Variants in MED27 observed in about 807,000 individuals in gnomAD.
MED27 encodes the protein mediator complex subunit 27.
Under a neutral mutation model 38.2 loss-of-function variants are expected in MED27, and 30 were observed. The ratio of observed to expected loss-of-function variants is 0.79; its 90% CI spans 0.59 to 1.07. The LOEUF is 1.07. MED27 is among the 50% of genes least tolerant of loss of function. MED27 has a pLI of 0.00. For synonymous variants in MED27, 122 were observed against 153.5 expected, an observed-to-expected ratio of 0.79 and a Z score of 1.52; for missense variants, 289 against 397.5, an observed-to-expected ratio of 0.73 and a Z score of 2.32.
intron 4 of MED27, among the ~76,000 whole-genome samples, chr9:131,934,982 T>C (rs144396587): frequency 6.6e-6 from 1 of 152,318 alleles, no homozygotes; most frequent in African/African-American, 2.4e-5. Flanking sequence ...CTTCGTTATG[T>C]TCTCATCTAT....
chr9:132,013,315 A>C (rs1347339320), intron 3 of MED27, among the ~76,000 whole-genome samples: 2 of 152,252 alleles, frequency 1.3e-5, no homozygotes, highest in African/African-American at 2.4e-5. Flanking sequence ...AAAGAAGCTC[A>C]TACAAAAAAA....
intron 2 of MED27, among the ~76,000 whole-genome samples, chr9:132,075,559 A>AG (rs570993085): frequency 6.2e-4 from 94 of 152,142 alleles, no homozygotes; most frequent in Non-Finnish European, 1.2e-3. Context: ...CTGTGGGGCA[A>AG]GGGTGGGGGT....
chr9:131,949,040 G>C (rs1366777430), intron 3 of MED27, among the ~76,000 whole-genome samples: 12 of 152,162 alleles, frequency 7.9e-5, no homozygotes, highest in Admixed American at 6.5e-4. Flanking sequence ...GTCGCCCTTT[G>C]AGTTCATGGG....
chr9:131,957,627 G>A (rs1399759124), intron 3 of MED27, among the ~76,000 whole-genome samples: 2 of 152,116 alleles, frequency 1.3e-5, no homozygotes, highest in Non-Finnish European at 2.9e-5. Context: ...CAGGTGAACA[G>A]ATTAAACACA....
chr9:131,916,779 C>T (rs1830296983), intron 4 of MED27, among the ~76,000 whole-genome samples: 2 of 152,122 alleles, frequency 1.3e-5, no homozygotes, highest in African/African-American at 4.8e-5. Flanking sequence ...GCACTGTGCA[C>T]AGCAATATAT....
At chr9:132,068,821 A>G (rs1052610405) in intron 2 of MED27, among the ~76,000 whole-genome samples, 6 of 152,176 alleles carry the variant, frequency 3.9e-5, no homozygotes, top group African/African-American at 1.4e-4. Context: ...GGAGGGAGCC[A>G]GCCTGGTGAT....
intron 2 of MED27, among the ~76,000 whole-genome samples, chr9:132,026,181 G>A (rs1226936933): frequency 1.3e-5 from 2 of 152,214 alleles, no homozygotes; most frequent in East Asian, 3.8e-4. Context: ...GAATGTCCAA[G>A]AAGGAATATT....
At chr9:132,005,860 G>C (rs941732332) in intron 3 of MED27, among the ~76,000 whole-genome samples, 2 of 152,136 alleles carry the variant, frequency 1.3e-5, no homozygotes, top group Admixed American at 6.5e-5. Context: ...AACGAGCTTA[G>C]GTAGTGTCAG....
rs148662249 is a variant in MED27, at chr9:131,894,929, G to A, written c.574-937C>T. On this transcript the variant is annotated intron_variant, in intron 4 of 7. Coordinates refer to ENST00000292035, the MANE Select transcript of MED27 (RefSeq NM_004269.4). The stretch of plus-strand genomic sequence containing the variant: ...CTGGCAAGACTGGATCAGCTCCCTC[G>A]AGAGTGGCTTGTTATAAAGCCAGGA... Among the ~76,000 whole-genome samples the A allele has an allele frequency of 3.2e-4, 49 of 152,264 alleles. No individual in the cohort carries two copies. In the East Asian group the frequency reaches 6.8e-3, roughly 21 times the overall value.
intron 4 of MED27, among the ~76,000 whole-genome samples, chr9:131,900,300 C>T (rs1468776836): frequency 6.6e-6 from 1 of 152,270 alleles, no homozygotes; most frequent in African/African-American, 2.4e-5. Context: ...TCTGCTTTTC[C>T]AGCAATCGCC....
intron 3 of MED27, among the ~76,000 whole-genome samples, chr9:131,988,789 T>C (rs945520611): frequency 6.6e-6 from 1 of 152,158 alleles, no homozygotes; most frequent in Non-Finnish European, 1.5e-5. Context: ...ATTGACTGTT[T>C]TTGTTATCAG....
Position 131,951,246 on chromosome 9 carries a change from T to C in MED27, c.480-11772A>G, listed in dbSNP as rs73553073. Among the ~76,000 whole-genome samples, 355 of 152,296 alleles carry C rather than the reference T, an allele frequency of 2.3e-3. 2 individuals are homozygous for C. The highest frequency in any genetic ancestry group is 8.3e-3 in the African/African-American group (343 of 41,566). ...GGCCCTCAAATGCACACCAGACAAGTGTCATCAATCACGGTATCCTTGCCC... is the reference window on the plus strand; with the variant it reads ...GGCCCTCAAATGCACACCAGACAAGCGTCATCAATCACGGTATCCTTGCCC... On this transcript the variant is annotated intron_variant, in intron 3 of 7. Transcript: ENST00000292035.
intron 4 of MED27, among the ~76,000 whole-genome samples, chr9:131,922,442 CTTTT>C (rs67385233): frequency 2.5e-5 from 3 of 120,372 alleles, no homozygotes; most frequent in African/African-American, 3.2e-5. Flanking sequence ...GCTTCTGTGT[CTTTT>C]TTTTTTTTTT....
intron 2 of MED27, among the ~76,000 whole-genome samples, chr9:132,066,664 T>C (rs1164531556): frequency 2.0e-5 from 3 of 151,898 alleles, no homozygotes; most frequent in Non-Finnish European, 2.9e-5. Flanking sequence ...CCAAAACAAG[T>C]AAGTGACTGC....
chr9:131,918,199 T>TA (rs1830327468), intron 4 of MED27, among the ~76,000 whole-genome samples: 1 of 152,220 alleles, frequency 6.6e-6, no homozygotes, highest in Admixed American at 6.5e-5. Context: ...AGATCTGAAT[T>TA]ACGGGGCTTT....
intron 6 of MED27, among the ~76,000 whole-genome samples, chr9:131,871,594 T>C (rs1222004659): frequency 6.6e-6 from 1 of 152,184 alleles, no homozygotes; most frequent in Non-Finnish European, 1.5e-5. Context: ...TTGTCACCCA[T>C]GCTGGAGTGT....
Position 132,073,814 on chromosome 9 carries a change from C to T in MED27, c.348+3628G>A. 4.8e-6 allele frequency: 7 copies of T among 1,458,650 alleles called. No individual in the cohort carries two copies. The South Asian group carries it at 8.7e-5, about 18-fold the overall frequency. The allele number at this position is 1,458,650 out of a possible 1,614,324, so 90.4% of individuals were successfully genotyped here. A position where few individuals can be genotyped will look rare whatever the true frequency, so the allele number is the denominator to read the frequency against. On this transcript the variant is annotated intron_variant, in intron 2 of 7. Transcript: ENST00000292035. ...CAGCACCTCGCTCTGGGCCCATTTCCCAAGCCCAGTAAAAAGTGACACTTC... is the reference window on the plus strand; with the variant it reads ...CAGCACCTCGCTCTGGGCCCATTTCTCAAGCCCAGTAAAAAGTGACACTTC...
intron 2 of MED27, among the ~76,000 whole-genome samples, chr9:132,045,982 C>T (rs952483235): frequency 6.6e-6 from 1 of 152,176 alleles, no homozygotes; most frequent in Non-Finnish European, 1.5e-5. Context: ...ATAAAAGATA[C>T]ATGTGGCAAA....
At chr9:132,071,625 A>G (rs1833940391) in intron 2 of MED27, among the ~76,000 whole-genome samples, 1 of 151,582 alleles carries the variant, frequency 6.6e-6, no homozygotes, top group African/African-American at 2.4e-5. Flanking sequence ...CATACAAGTA[A>G]CCCACACCTC....
Sources: allele counts gnomAD v4.1 joint callset (sites outside exome capture counted in the v4.1 genomes callset), GRCh38; gene constraint gnomAD v4.1.1; transcripts MANE v1.5; gene names NCBI Gene and HGNC (gene_info 2026-07-23, HGNC 2026-07-21).